AADACL2: variants seen among roughly 807,000 people sequenced by gnomAD.
The protein encoded by AADACL2 is arylacetamide deacetylase-like 2.
A neutral mutation model predicts 22.3 loss-of-function variants in AADACL2; 23 were observed. The ratio of observed to expected loss-of-function variants is 1.03; its 90% CI spans 0.74 to 1.46. The LOEUF (loss-of-function observed/expected upper bound fraction) is 1.46, where lower values mean the gene tolerates loss of function less well. Ranked by LOEUF, AADACL2 falls within the 40% of genes most tolerant of loss-of-function variation. The pLI is 0.00. For synonymous variants in AADACL2, 177 were observed against 166.2 expected (o/e 1.07, Z -0.50); for missense variants, 472 against 482.9 (o/e 0.98, Z 0.21).
At chr3:151,743,367 G>T (rs573312184) in intron 2 of AADACL2, among the ~76,000 whole-genome samples, 1 of 152,204 alleles carries the variant, frequency 6.6e-6, no homozygotes, top group African/African-American at 2.4e-5. Context: ...TACAGAATTT[G>T]CCAAGGTGCT....
chr3:151,746,654 G>C (rs1333673935), intron 4 of AADACL2, among the ~76,000 whole-genome samples: 1 of 151,796 alleles, frequency 6.6e-6, no homozygotes, highest in African/African-American at 2.4e-5. Context: ...GCATAAATGG[G>C]TCTTGAATTA....
intron 4 of AADACL2, among the ~76,000 whole-genome samples, chr3:151,746,135 T>C (rs1405429413): frequency 6.6e-6 from 1 of 152,152 alleles, no homozygotes; most frequent in African/African-American, 2.4e-5. Context: ...AATATTTTAC[T>C]ATTTTCAGTG....
chr3:151,755,830 T>C (rs1441940200), intron 4 of AADACL2, among the ~76,000 whole-genome samples: 1 of 152,118 alleles, frequency 6.6e-6, no homozygotes, highest in Non-Finnish European at 1.5e-5. Context: ...GAGAGTAGGA[T>C]GACTGAGGGT....
At chr3:151,746,641 T>C in intron 4 of AADACL2, among the ~76,000 whole-genome samples, 1 of 152,058 alleles carries the variant, frequency 6.6e-6, no homozygotes, top group Non-Finnish European at 1.5e-5. Context: ...GCTGATAGTT[T>C]TTGCATAAAT....
At chr3:151,746,959 A>C (rs1228829858) in intron 4 of AADACL2, among the ~76,000 whole-genome samples, 6 of 150,182 alleles carry the variant, frequency 4.0e-5, no homozygotes, top group African/African-American at 1.5e-4. Context: ...GCTGGAGTGC[A>C]GTGGCGCGAT....
At chr3:151,738,081 G>A (rs1217111211) in intron 1 of AADACL2, among the ~76,000 whole-genome samples, 1 of 152,106 alleles carries the variant, frequency 6.6e-6, no homozygotes, top group Non-Finnish European at 1.5e-5. Context: ...TGTTTTTTCA[G>A]TGGCTGGTAC....
At chr3:151,739,862 C>A (rs182805449) in intron 1 of AADACL2, among the ~76,000 whole-genome samples, 19 of 152,316 alleles carry the variant, frequency 1.2e-4, no homozygotes, top group African/African-American at 4.3e-4. Context: ...CCTCTCCCCC[C>A]ACCAAGCTAG....
At chr3:151,740,622 A>T in intron 1 of AADACL2, 24 bp from the exon 2 acceptor site, 1 of 1,465,230 alleles carries the variant, frequency 6.8e-7, no homozygotes. Context: ...TAAATATTTA[A>T]TTTTGTTTGT....
chr3:151,734,173 G>A lies in AADACL2; in HGVS notation c.138G>A (p.Thr46=), dbSNP rs201924225. Residue 46 remains threonine (T), a splice_region_variant and synonymous_variant, in exon 1 of 5, where the codon ACG becomes ACA. Coordinates refer to ENST00000356517, the MANE Select transcript of AADACL2 (RefSeq NM_207365.4). ...CCATCGCTAAAACTTGTACATTTAC[G>A]GTAAGGTTAACATTTATTTTTTCTG... is the stretch of plus-strand genomic sequence containing the variant. ...LDAIAKTCTF[T]AMCFENMRIM... 5.0e-5 allele frequency: 81 copies of A among 1,612,020 alleles called. No individual in the cohort carries two copies. The Middle Eastern group carries it at 8.2e-4, about 16-fold the overall frequency.
At chr3:151,737,610 G>A (rs866153058) in intron 1 of AADACL2, among the ~76,000 whole-genome samples, 36 of 152,192 alleles carry the variant, frequency 2.4e-4, no homozygotes, top group African/African-American at 7.7e-4. Context: ...CTCTTTGAAG[G>A]TCTCTAAGAA....
chr3:151,747,464 G>T (rs1026805908), intron 4 of AADACL2, among the ~76,000 whole-genome samples: 1 of 151,948 alleles, frequency 6.6e-6, no homozygotes, highest in African/African-American at 2.4e-5. Context: ...ACTTCTAGGG[G>T]TTTAACTTTC....
At chr3:151,736,930 C>T (rs112666507) in intron 1 of AADACL2, among the ~76,000 whole-genome samples, 18,712 of 152,054 alleles carry the variant, frequency 0.12, 1,260 homozygotes, top group Middle Eastern at 0.2. Flanking sequence ...AACTAATTTA[C>T]GCTCCCACCA....
rs1560289087 is a variant in AADACL2 at position 151,758,088 on chromosome 3, T to C, written c.*494T>C. Reference sequence around the variant, plus strand: ...GCTTTAAACAACAGATATTTATTCTTTTACAGTTCTGGGGTCCTAAAGCAT... The same window carrying C: ...GCTTTAAACAACAGATATTTATTCTCTTACAGTTCTGGGGTCCTAAAGCAT... On this transcript the variant is annotated 3_prime_UTR_variant, in exon 5 of 5. Transcript: ENST00000356517. 1 of 153,688 alleles carries C rather than the reference T, an allele frequency of 6.5e-6. No homozygotes were observed. The allele number at this position is 153,688 out of a possible 1,614,324, so 9.5% of individuals were successfully genotyped here. A position where few individuals can be genotyped will look rare whatever the true frequency, so the allele number is the denominator to read the frequency against.
intron 4 of AADACL2, among the ~76,000 whole-genome samples, chr3:151,749,842 T>C (rs529963354): frequency 2.0e-4 from 31 of 152,316 alleles, no homozygotes; most frequent in Non-Finnish European, 2.9e-4. Context: ...TTTGTTTTTT[T>C]GTTTTCTTAA....
chr3:151,745,676 A>G lies in AADACL2; in HGVS notation c.599A>G (p.Gln200Arg). Reference sequence around the variant, plus strand: ...GGCAATTTAGCAACAGCGGTCACTCAACAGGTACATTATATTTGTTTTTAT... The same window carrying G: ...GGCAATTTAGCAACAGCGGTCACTCGACAGGTACATTATATTTGTTTTTAT... ...SGGNLATAVT[Q>R]QVQNDAEIKH... Residue 200 changes from glutamine to arginine, a missense_variant, in exon 4 of 5, where the codon CAA becomes CGA. By Grantham distance (43) the Gln-to-Arg change is conservative. This residue lies in a region of AADACL2 where 356 missense variants were observed against 365.5 expected (regional missense o/e 0.97). Coordinates refer to ENST00000356517, the MANE Select transcript of AADACL2 (RefSeq NM_207365.4). 6.2e-7 allele frequency: 1 copy of G among 1,601,132 alleles called. No individual in the cohort carries two copies. The highest frequency in any genetic ancestry group is 2.3e-5 in the East Asian group (1 of 44,324).
At chr3:151,751,870 T>C (rs747142360) in intron 4 of AADACL2, among the ~76,000 whole-genome samples, 11 of 152,152 alleles carry the variant, frequency 7.2e-5, no homozygotes, top group Non-Finnish European at 1.2e-4. Context: ...CACAAAAATC[T>C]AACACCATTC....
intron 4 of AADACL2, among the ~76,000 whole-genome samples, chr3:151,749,691 CAGGATG>C (rs1219529278): frequency 6.6e-6 from 1 of 152,120 alleles, no homozygotes; most frequent in African/African-American, 2.4e-5. Context: ...CCATGTTAAC[CAGGATG>C]GTCTCGATCT....
intron 1 of AADACL2, 132 bp downstream of exon 1, chr3:151,734,305 T>C: frequency 9.5e-7 from 1 of 1,050,166 alleles, no homozygotes; most frequent in Non-Finnish European, 1.3e-6. Context: ...TTGAGTAAAT[T>C]AATTAAACAA....
chr3:151,757,734 A>C lies in AADACL2; in HGVS notation c.*140A>C, dbSNP rs1481197275. The C allele has an allele frequency of 9.1e-7, 1 of 1,095,170 alleles. No homozygotes were observed. Among genetic ancestry groups the C allele is most frequent in the African/African-American group, 1.6e-5 (1 of 63,504 alleles). 67.8% of individuals were successfully genotyped at this position (1,095,170 alleles called of 1,614,324 possible). A position where few individuals can be genotyped will look rare whatever the true frequency, so the allele number is the denominator to read the frequency against. ...TGTAGCAGTTAATGTGTGTCCTTGAAGAGTTATTAAATTTTCTGACTTGCA... is the reference window on the plus strand; with the variant it reads ...TGTAGCAGTTAATGTGTGTCCTTGACGAGTTATTAAATTTTCTGACTTGCA... On this transcript the variant is annotated 3_prime_UTR_variant, in exon 5 of 5. Coordinates refer to ENST00000356517, the MANE Select transcript of AADACL2 (RefSeq NM_207365.4).
Sources: gnomAD v4.1 joint callset for allele counts (sites outside exome capture counted in the v4.1 genomes callset) on GRCh38, gnomAD v4.1.1 for gene constraint, gnomAD v4.1.1 regional missense constraint, MANE v1.5 for transcripts, NCBI Gene and HGNC (gene_info 2026-07-23, HGNC 2026-07-21) for gene names.